Variants in PCDHGA3 observed in about 807,000 individuals in gnomAD.
PCDHGA3 encodes protocadherin gamma subfamily A, 3, also known as protocadherin gamma-A3.
In PCDHGA3, 40 loss-of-function variants were observed where a neutral mutation model predicts 58.5. That is an observed-to-expected ratio of 0.68 (90% confidence interval 0.53 to 0.89). PCDHGA3 has a LOEUF of 0.89. Ranked by LOEUF, PCDHGA3 falls within the 40% of genes least tolerant of loss-of-function variation. The probability of loss-of-function intolerance (pLI) is 0.00; values close to 1 mark genes in which losing one functional copy is unlikely to be tolerated. For missense variants in PCDHGA3, 1,223 were observed against 1,195.9 expected (o/e 1.02, Z -0.33); for synonymous variants, 530 against 525.7 (o/e 1.01, Z -0.11).
chr5:141,479,939 A>G (rs763454741), intron 1 of PCDHGA3, among the ~76,000 whole-genome samples: 2 of 152,004 alleles, frequency 1.3e-5, no homozygotes, highest in Non-Finnish European at 2.9e-5. Flanking sequence ...ATTGCTATCA[A>G]CTCTTGGATT....
At chr5:141,397,818 T>TAA (rs748152113) in intron 1 of PCDHGA3, among the ~76,000 whole-genome samples, 1 of 152,226 alleles carries the variant, frequency 6.6e-6, no homozygotes, top group Non-Finnish European at 1.5e-5. Flanking sequence ...CAAAAACAAT[T>TAA]ACTGCACTGG....
chr5:141,399,584 C>A (rs765946308), intron 1 of PCDHGA3: 34 of 1,613,904 alleles, frequency 2.1e-5, no homozygotes, highest in Non-Finnish European at 2.6e-5. Context: ...GTCTCCTACT[C>A]TATCATGGCC....
At chr5:141,373,959 T>A (rs1045656006) in intron 1 of PCDHGA3, 78 of 924,258 alleles carry the variant, frequency 8.4e-5, no homozygotes, top group Admixed American at 1.4e-4. Context: ...AATTCTGACC[T>A]GAAACGCTTC....
At chr5:141,409,172 G>A in intron 1 of PCDHGA3, 8 of 1,614,006 alleles carry the variant, frequency 5.0e-6, no homozygotes, top group Non-Finnish European at 6.8e-6. Context: ...AGCGAAGGAC[G>A]GAGGTGGTCT....
chr5:141,368,577 T>G (rs1765736548), intron 1 of PCDHGA3, among the ~76,000 whole-genome samples: 1 of 152,068 alleles, frequency 6.6e-6, no homozygotes, highest in Admixed American at 6.5e-5. Flanking sequence ...CTTCTTAGGG[T>G]AAGGTGTTTG....
chr5:141,355,624 G>A, intron 1 of PCDHGA3: 3 of 1,614,002 alleles, frequency 1.9e-6, no homozygotes, highest in South Asian at 2.2e-5. Flanking sequence ...GGAAATAAAA[G>A]TTGCTGAAAA....
At chr5:141,452,256 C>T (rs533770410) in intron 1 of PCDHGA3, among the ~76,000 whole-genome samples, 1 of 152,298 alleles carries the variant, frequency 6.6e-6, no homozygotes, top group African/African-American at 2.4e-5. Flanking sequence ...CCATAACTCT[C>T]TCATTTTCTT....
chr5:141,490,846 G>T lies in PCDHGA3; in HGVS notation c.2425-3961G>T. 1 of 1,613,880 alleles carries T rather than the reference G, an allele frequency of 6.2e-7. No individual in the cohort carries two copies. Among genetic ancestry groups the T allele is most frequent in the Non-Finnish European group, 8.5e-7 (1 of 1,179,906 alleles). ...GCAGATGCTGCAGATTGTGGTGGGG[G>T]TTCGAGACTCCGGCTCTCCCCCATT... On this transcript the variant is annotated intron_variant, in intron 1 of 3. Coordinates refer to ENST00000253812, the MANE Select transcript of PCDHGA3 (RefSeq NM_018916.4). This position sits in a 1 kb window ranked among gnomAD's most constrained non-coding sequence, Gnocchi z 5.4.
rs888457230 is a variant in PCDHGA3, at chr5:141,493,727, C to T, written c.2425-1080C>T. On this transcript the variant is annotated intron_variant, in intron 1 of 3. Transcript: ENST00000253812. This position sits in a 1 kb window ranked among gnomAD's most constrained non-coding sequence, Gnocchi z 4.3. ...TGGAATGCTAGGTTTCTGGGTTCTG[C>T]TCATATCACTGCCACCTGTGAGCCT... Among the ~76,000 whole-genome samples, 2 of 152,184 alleles carry T rather than the reference C, an allele frequency of 1.3e-5. No homozygotes were observed. Among genetic ancestry groups the T allele is most frequent in the Admixed American group, 6.5e-5 (1 of 15,280 alleles).
chr5:141,359,518 C>A (rs1386838836), intron 1 of PCDHGA3, among the ~76,000 whole-genome samples: 1 of 149,410 alleles, frequency 6.7e-6, no homozygotes, highest in African/African-American at 2.5e-5. Flanking sequence ...ATATTATGGG[C>A]CACTAGATAA....
intron 2 of PCDHGA3, among the ~76,000 whole-genome samples, chr5:141,503,081 C>G (rs1354848667): frequency 6.6e-6 from 1 of 151,960 alleles, no homozygotes; most frequent in Non-Finnish European, 1.5e-5. Flanking sequence ...TCTCGATCTC[C>G]TGACCTCGTG....
Position 141,346,241 on chromosome 5 carries a change from C to T in PCDHGA3, c.2208C>T (p.Pro736=). 2.5e-6 allele frequency: 4 copies of T among 1,614,198 alleles called. No individual in the cohort carries two copies. Among genetic ancestry groups the T allele is most frequent in the South Asian group, 1.1e-5 (1 of 91,082 alleles). The change falls in exon 1 of 4, where the codon CCC becomes CCT. Residue 736 remains proline (P), a synonymous_variant. Transcript: ENST00000253812. ...QASGGGLAST[P]GSHFVGADGV... is the part of the protein sequence containing the mutation. Reference sequence around the variant, plus strand: ...CGGGAGGCGGCTTGGCGAGTACGCCCGGCTCGCACTTTGTGGGCGCGGACG... The same window carrying T: ...CGGGAGGCGGCTTGGCGAGTACGCCTGGCTCGCACTTTGTGGGCGCGGACG...
In PCDHGA3 at chr5:141,381,098, G is replaced by A. The variant is rs114784627; in HGVS notation, c.2424+34641G>A. Reference sequence around the variant, plus strand: ...TTATTTTGATAGATCAAAACAGAATGTCCTTCAAAGTGTTCCCTGTATTCT... The same window carrying A: ...TTATTTTGATAGATCAAAACAGAATATCCTTCAAAGTGTTCCCTGTATTCT... On this transcript the variant is annotated intron_variant, in intron 1 of 3. Transcript: ENST00000253812. 2.4e-3 allele frequency among the ~76,000 whole-genome samples: 370 copies of A among 152,320 alleles called. 4 individuals carry two copies. Among genetic ancestry groups the A allele is most frequent in the African/African-American group, 8.6e-3 (357 of 41,576 alleles).
rs3806835 is a variant in PCDHGA3, at chr5:141,370,079, T to C, written c.2424+23622T>C. On this transcript the variant is annotated intron_variant, in intron 1 of 3. Transcript: ENST00000253812. ...GTCCTTTTAAAATGGGAAGAAAGTATCACTATCAGTACACTGCCGATTTTT... is the reference window on the plus strand; with the variant it reads ...GTCCTTTTAAAATGGGAAGAAAGTACCACTATCAGTACACTGCCGATTTTT... Among the ~76,000 whole-genome samples, 56 of 152,350 alleles carry C rather than the reference T, an allele frequency of 3.7e-4. No homozygotes were observed. The East Asian group carries it at 0.011, about 29-fold the overall frequency.
At chr5:141,478,617 G>T in intron 1 of PCDHGA3, 1 of 1,556,398 alleles carries the variant, frequency 6.4e-7, no homozygotes, top group South Asian at 1.2e-5. Context: ...AGGAAGGAAT[G>T]GAGCTGTTTT....
chr5:141,366,765 T>C (rs373961637), intron 1 of PCDHGA3: 83 of 1,604,590 alleles, frequency 5.2e-5, no homozygotes, highest in Non-Finnish European at 6.9e-5. Flanking sequence ...AGTTTTCTCT[T>C]TCGGTAAGGA....
At position 141,413,736 on chromosome 5, in the gene PCDHGA3, G is replaced by A. The variant is rs189162146; in HGVS notation, c.2424+67279G>A. The A allele has an allele frequency of 1.9e-4, 309 of 1,613,452 alleles. No individual in the cohort carries two copies. In the African/African-American group the frequency reaches 3.0e-3, roughly 16 times the overall value. On this transcript the variant is annotated intron_variant, in intron 1 of 3. Coordinates refer to ENST00000253812, the MANE Select transcript of PCDHGA3 (RefSeq NM_018916.4). Reference sequence around the variant, plus strand: ...ATAAGCACTTCTCCCTAAGAGTTCAGAGCCGTGCCAATGGCGTCAAGTACC... The same window carrying A: ...ATAAGCACTTCTCCCTAAGAGTTCAAAGCCGTGCCAATGGCGTCAAGTACC...
rs766038218 is a variant in PCDHGA3 at position 141,398,581 on chromosome 5, T to C, written c.2424+52124T>C. The stretch of plus-strand genomic sequence containing the variant: ...TGAGTCTGCACAGCCTGGCACAAGA[T>C]TTATACTAGAAGTAGCAGAAGATGC... On this transcript the variant is annotated intron_variant, in intron 1 of 3. Transcript: ENST00000253812. The C allele has an allele frequency of 1.2e-5, 20 of 1,614,028 alleles. No individual in the cohort carries two copies. In the Admixed American group the frequency reaches 2.2e-4, roughly 17 times the overall value.
chr5:141,419,145 A>T, intron 1 of PCDHGA3: 1 of 1,613,940 alleles, frequency 6.2e-7, no homozygotes, highest in Non-Finnish European at 8.5e-7. Flanking sequence ...GACAGGGGCA[A>T]GCCTCCGTTA....
Sources: allele counts gnomAD v4.1 joint callset (sites outside exome capture counted in the v4.1 genomes callset), GRCh38; gene constraint gnomAD v4.1.1; non-coding constraint Gnocchi (gnomAD v3.1); transcripts MANE v1.5; gene names NCBI Gene and HGNC (gene_info 2026-07-23, HGNC 2026-07-21).